RCL1: variants seen among roughly 807,000 people sequenced by gnomAD.
The protein encoded by RCL1 is RNA 3'-terminal phosphate cyclase-like protein.
Under a neutral mutation model 42.4 loss-of-function variants are expected in RCL1, and 24 were observed. That is an observed-to-expected ratio of 0.57 (90% CI 0.41 to 0.80). RCL1 has a LOEUF of 0.80. Ranked by LOEUF, RCL1 falls within the 30% of genes least tolerant of loss-of-function variation. The pLI, the probability that RCL1 is intolerant of heterozygous loss-of-function variation, is 0.00. For missense variants in RCL1, 578 were observed against 467.9 expected (o/e 1.24, Z -2.17); for synonymous variants, 228 against 177.3 (o/e 1.29, Z -2.27).
rs1163959273 is a variant in RCL1 at position 4,850,540 on chromosome 9, C to T, written c.971+990C>T. ...TTCGTGGTGGGAGGTTTTTTTAGAACAGGAAAATGGAAGAGAATACATTCT... is the reference window on the plus strand; with the variant it reads ...TTCGTGGTGGGAGGTTTTTTTAGAATAGGAAAATGGAAGAGAATACATTCT... On this transcript the variant is annotated intron_variant, in intron 8 of 8. Transcript: ENST00000381750. Among the ~76,000 whole-genome samples, 4 of 111,884 alleles carry T rather than the reference C, an allele frequency of 3.6e-5. No homozygotes were observed. In the East Asian group the frequency reaches 1.2e-3, roughly 33 times the overall value. The allele number at this position is 111,884 out of a possible 152,430, so 73.4% of individuals were successfully genotyped here.
At chr9:4,857,716 T>A (rs1454156662) in intron 8 of RCL1, among the ~76,000 whole-genome samples, 1 of 152,214 alleles carries the variant, frequency 6.6e-6, no homozygotes, top group Non-Finnish European at 1.5e-5. Flanking sequence ...TGTACCGTTT[T>A]ACATTCCCAC....
At chr9:4,857,214 C>T (rs1252451297) in intron 8 of RCL1, among the ~76,000 whole-genome samples, 1 of 152,158 alleles carries the variant, frequency 6.6e-6, no homozygotes, top group Non-Finnish European at 1.5e-5. Flanking sequence ...ATTTTTACTA[C>T]CCCCAGAAAG....
At chr9:4,795,048 T>G (rs1842891707) in intron 1 of RCL1, among the ~76,000 whole-genome samples, 1 of 152,032 alleles carries the variant, frequency 6.6e-6, no homozygotes, top group Admixed American at 6.6e-5. Flanking sequence ...CTTCAGGGCC[T>G]CAGAAACCTT....
intron 7 of RCL1, among the ~76,000 whole-genome samples, chr9:4,845,196 T>C (rs10115046): frequency 0.32 from 48,851 of 152,022 alleles, 8,058 homozygotes; most frequent in South Asian, 0.46. Context: ...AACAGATAAG[T>C]ATTAGAAAAG....
chr9:4,819,570 A>T (rs1816513188), intron 1 of RCL1, among the ~76,000 whole-genome samples: 1 of 152,204 alleles, frequency 6.6e-6, no homozygotes, highest in Admixed American at 6.5e-5. Flanking sequence ...GCACTTTGGG[A>T]GGTCGAGGCG....
intron 1 of RCL1, among the ~76,000 whole-genome samples, chr9:4,795,200 C>A: frequency 6.6e-6 from 1 of 152,058 alleles, no homozygotes; most frequent in Non-Finnish European, 1.5e-5. Context: ...GCCTCAGCCT[C>A]CCTCGTAGCT....
chr9:4,806,587 T>TAC (rs71326137), intron 1 of RCL1, among the ~76,000 whole-genome samples: 15,626 of 135,572 alleles, frequency 0.12, 884 homozygotes, highest in African/African-American at 0.14. Context: ...CTACTTGATC[T>TAC]ACACACACAC....
In RCL1 at chr9:4,793,104, G is replaced by C; in HGVS notation, c.13G>C (p.Ala5Pro). The C allele has an allele frequency of 1.9e-6, 3 of 1,609,432 alleles. No individual in the cohort carries two copies. Among genetic ancestry groups the C allele is most frequent in the Non-Finnish European group, 2.5e-6 (3 of 1,178,238 alleles). ...GGAGAGCGCGCACATGGCGACTCAG[G>C]CGCACTCCCTCAGCTACGCAGGGTG... is the stretch of plus-strand genomic sequence containing the variant. MATQ[A>P]HSLSYAGCNF... Residue 5 changes from alanine to proline, a missense_variant, in exon 1 of 9, where the codon GCG (alanine) becomes CCG (proline). By Grantham distance (27) the Ala-to-Pro change is conservative. Transcript: ENST00000381750.
At chr9:4,848,684 C>T (rs369038063) in intron 7 of RCL1, among the ~76,000 whole-genome samples, 1 of 151,974 alleles carries the variant, frequency 6.6e-6, no homozygotes, top group Non-Finnish European at 1.5e-5. Context: ...CTAGTGGAGG[C>T]AAAACAGTTA....
chr9:4,813,519 C>A lies in RCL1; in HGVS notation c.137-10029C>A, dbSNP rs201131132. On this transcript the variant is annotated intron_variant, in intron 1 of 8. Coordinates refer to ENST00000381750, the MANE Select transcript of RCL1 (RefSeq NM_005772.5). ...TCTCACACCAGTTAGAATGGCGATC[C>A]TTAAAAAGTCAGGAAACAACAGGTG... Among the ~76,000 whole-genome samples the A allele has an allele frequency of 2.0e-5, 3 of 152,186 alleles. 1 individual carries two copies. Among genetic ancestry groups the A allele is most frequent in the South Asian group, 4.2e-4 (2 of 4,814 alleles).
At chr9:4,834,034 A>G (rs466547) in intron 4 of RCL1, 107 bp from the exon 5 acceptor site, 1,082,787 of 1,251,518 alleles carry the variant, frequency 0.87, 469,444 homozygotes, top group East Asian at 1. Context: ...TGGAAGAGCT[A>G]TGCCTTGTAA....
chr9:4,810,285 C>T (rs1187312801), intron 1 of RCL1, among the ~76,000 whole-genome samples: 1 of 152,200 alleles, frequency 6.6e-6, no homozygotes, highest in East Asian at 1.9e-4. Context: ...GTAGCTATTA[C>T]CCATGAAAAG....
At chr9:4,843,428 C>T (rs925167446) in intron 6 of RCL1, among the ~76,000 whole-genome samples, 35 of 151,896 alleles carry the variant, frequency 2.3e-4, no homozygotes, top group African/African-American at 8.2e-4. Context: ...TGGAGGCTGG[C>T]CTTTGCAAAC....
intron 5 of RCL1, among the ~76,000 whole-genome samples, chr9:4,835,133 A>G (rs151160918): frequency 1.3e-5 from 2 of 152,270 alleles, no homozygotes; most frequent in Admixed American, 6.5e-5. Context: ...AGGTTGGTCT[A>G]TGGCATTTGA....
At chr9:4,857,098 A>G (rs1435903212) in intron 8 of RCL1, among the ~76,000 whole-genome samples, 2 of 152,208 alleles carry the variant, frequency 1.3e-5, no homozygotes, top group Non-Finnish European at 2.9e-5. Flanking sequence ...TTTATTGAGA[A>G]CCAATTCACA....
chr9:4,820,049 C>T lies in RCL1; in HGVS notation c.137-3499C>T, dbSNP rs181114813. On this transcript the variant is annotated intron_variant, in intron 1 of 8. Transcript: ENST00000381750. ...TTTACAGCTCCTTGCCATGCCTCTA[C>T]TGGTAGCCACTATCCTCACCATTAT... 1.1e-4 allele frequency among the ~76,000 whole-genome samples: 16 copies of T among 152,330 alleles called. No individual in the cohort carries two copies. In the East Asian group the frequency reaches 3.1e-3, roughly 29 times the overall value.
chr9:4,846,703 T>A (rs1325014071), intron 7 of RCL1, among the ~76,000 whole-genome samples: 6 of 152,138 alleles, frequency 3.9e-5, no homozygotes, highest in Non-Finnish European at 5.9e-5. Flanking sequence ...GACACTTCCA[T>A]GTCTTTCTAA....
intron 3 of RCL1, among the ~76,000 whole-genome samples, chr9:4,828,527 TG>T (rs1296948869): frequency 3.4e-5 from 5 of 147,524 alleles, no homozygotes; most frequent in African/African-American, 1.2e-4. Context: ...CGTAAACTGT[TG>T]AGAATATTTA....
rs112655087 is a variant in RCL1 at position 4,815,154 on chromosome 9, C to G, written c.137-8394C>G. On this transcript the variant is annotated intron_variant, in intron 1 of 8. Coordinates refer to ENST00000381750, the MANE Select transcript of RCL1 (RefSeq NM_005772.5). ...AGCTTCCTAGATCTGTATGTTCATA[C>G]CTCTTATCAGCCTTGGGAGCTTTTC... is the stretch of plus-strand genomic sequence containing the variant. Among the ~76,000 whole-genome samples, 1,412 of 152,208 alleles carry G rather than the reference C, an allele frequency of 9.3e-3. 25 individuals carry two copies. The highest frequency in any genetic ancestry group is 0.032 in the African/African-American group (1,334 of 41,542).
Sources: allele counts gnomAD v4.1 joint callset (sites outside exome capture counted in the v4.1 genomes callset), GRCh38; gene constraint gnomAD v4.1.1; transcripts MANE v1.5; gene names NCBI Gene and HGNC (gene_info 2026-07-23, HGNC 2026-07-21).